SNX24: variants seen among roughly 807,000 people sequenced by gnomAD.
SNX24 encodes sorting nexin 24.
In SNX24, 22 loss-of-function variants were observed where a neutral mutation model predicts 28.7. That is an observed-to-expected ratio of 0.77 (90% CI 0.55 to 1.10). SNX24 has a LOEUF of 1.10. Ranked by LOEUF, SNX24 falls within the 50% of genes least tolerant of loss-of-function variation. The probability of loss-of-function intolerance (pLI) is 0.00; values close to 1 mark genes in which losing one functional copy is unlikely to be tolerated. For missense variants in SNX24, 221 were observed against 201.1 expected (o/e 1.10, Z -0.60); for synonymous variants, 69 against 71.5 (o/e 0.96, Z 0.18).
intron 1 of SNX24, among the ~76,000 whole-genome samples, chr5:122,884,743 G>T (rs184174776): frequency 3.0e-4 from 45 of 152,212 alleles, no homozygotes; most frequent in Middle Eastern, 3.4e-3. Flanking sequence ...TGAAATAATA[G>T]GTGTCGAGGA....
At chr5:122,958,851 C>G (rs1760336132) in intron 3 of SNX24, among the ~76,000 whole-genome samples, 1 of 152,058 alleles carries the variant, frequency 6.6e-6, no homozygotes, top group Non-Finnish European at 1.5e-5. Context: ...TGAGCCACCC[C>G]ACCTGGCCAA....
intron 4 of SNX24, among the ~76,000 whole-genome samples, chr5:123,000,324 T>G (rs760097076): frequency 1.1e-4 from 17 of 152,230 alleles, no homozygotes; most frequent in Non-Finnish European, 2.4e-4. Flanking sequence ...ATGGGCTCAT[T>G]TATTAGTGGA....
chr5:122,868,939 A>C (rs1481665217), intron 1 of SNX24, among the ~76,000 whole-genome samples: 1 of 152,236 alleles, frequency 6.6e-6, no homozygotes, highest in African/African-American at 2.4e-5. Context: ...CTCTTCCTTC[A>C]TAAACATCGT....
At chr5:123,004,459 TC>T (rs532038252) in intron 6 of SNX24, among the ~76,000 whole-genome samples, 422 of 152,308 alleles carry the variant, frequency 2.8e-3, no homozygotes, top group Non-Finnish European at 4.1e-3. Flanking sequence ...CTTTCCCACT[TC>T]CTTCCACTCT....
At chr5:122,894,803 A>G (rs1658969032) in intron 1 of SNX24, among the ~76,000 whole-genome samples, 1 of 152,242 alleles carries the variant, frequency 6.6e-6, no homozygotes, top group Admixed American at 6.5e-5. Flanking sequence ...TGCTCCCAGT[A>G]ATTCTGAGTG....
chr5:122,970,982 A>C (rs1760935393), intron 3 of SNX24, among the ~76,000 whole-genome samples: 1 of 152,206 alleles, frequency 6.6e-6, no homozygotes, highest in South Asian at 2.1e-4. Flanking sequence ...AGAGCAGTTT[A>C]TTAAGATGAA....
rs74817129 is a variant in SNX24 at position 122,928,246 on chromosome 5, A to G, written c.61-8488A>G. 1.4e-3 allele frequency among the ~76,000 whole-genome samples: 218 copies of G among 152,208 alleles called. 5 individuals carry two copies. In the East Asian group the frequency reaches 0.037, roughly 26 times the overall value. ...CATCTGCCTGGACCAACCTCCTCCCATCCCAGGTAGACTCAGGACTCACTC... is the reference window on the plus strand; with the variant it reads ...CATCTGCCTGGACCAACCTCCTCCCGTCCCAGGTAGACTCAGGACTCACTC... On this transcript the variant is annotated intron_variant, in intron 1 of 6. Transcript: ENST00000261369.
At position 122,868,950 on chromosome 5, in the gene SNX24, A is replaced by G. The variant is rs80256537; in HGVS notation, c.60+23257A>G. 8.5e-3 allele frequency among the ~76,000 whole-genome samples: 1,296 copies of G among 152,362 alleles called. 10 individuals are homozygous for G. The highest frequency in any genetic ancestry group is 0.06 in the East Asian group (310 of 5,188). ...CGTACTCTTCCTTCATAAACATCGTAGTGTTTTTCTTCATTTTGTTCAGAT... is the reference window on the plus strand; with the variant it reads ...CGTACTCTTCCTTCATAAACATCGTGGTGTTTTTCTTCATTTTGTTCAGAT... On this transcript the variant is annotated intron_variant, in intron 1 of 6. Transcript: ENST00000261369.
intron 1 of SNX24, among the ~76,000 whole-genome samples, chr5:122,929,401 G>C (rs902121666): frequency 7.9e-5 from 12 of 151,784 alleles, no homozygotes; most frequent in African/African-American, 2.9e-4. Flanking sequence ...CATTTGAGGG[G>C]AAAAAGAAGC....
At chr5:122,923,926 A>C (rs1758559089) in intron 1 of SNX24, among the ~76,000 whole-genome samples, 1 of 152,210 alleles carries the variant, frequency 6.6e-6, no homozygotes, top group South Asian at 2.1e-4. Flanking sequence ...AAGTTTTTTG[A>C]TCTTTTGAAT....
intron 3 of SNX24, 95 bp downstream of exon 3, chr5:122,946,254 T>A: frequency 1.6e-6 from 1 of 609,862 alleles, no homozygotes; most frequent in Non-Finnish European, 2.8e-6. Flanking sequence ...TAAAATATGT[T>A]AAGCAGCCAA....
chr5:122,895,266 G>A (rs1328010537), intron 1 of SNX24, among the ~76,000 whole-genome samples: 1 of 152,050 alleles, frequency 6.6e-6, no homozygotes, highest in Non-Finnish European at 1.5e-5. Flanking sequence ...TAGGGGATAG[G>A]TGTAAGCATT....
intron 3 of SNX24, among the ~76,000 whole-genome samples, chr5:122,950,543 T>A (rs1204195255): frequency 6.6e-6 from 1 of 152,224 alleles, no homozygotes; most frequent in Non-Finnish European, 1.5e-5. Flanking sequence ...TCACCTACTC[T>A]TAGCACATAG....
intron 1 of SNX24, among the ~76,000 whole-genome samples, chr5:122,877,332 A>G (rs149411085): frequency 5.5e-4 from 84 of 152,302 alleles, no homozygotes; most frequent in African/African-American, 1.8e-3. Context: ...TCTGAACAGC[A>G]AAGTGATATG....
chr5:122,941,654 C>A (rs117946997), intron 2 of SNX24, among the ~76,000 whole-genome samples: 1 of 152,086 alleles, frequency 6.6e-6, no homozygotes, highest in Non-Finnish European at 1.5e-5. Context: ...AAGTAGGGAC[C>A]ATGTCCTGTC....
intron 1 of SNX24, among the ~76,000 whole-genome samples, chr5:122,879,583 CTG>C (rs1453662583): frequency 6.6e-6 from 1 of 152,202 alleles, no homozygotes; most frequent in Admixed American, 6.5e-5. Context: ...CACTTACAAG[CTG>C]TGAGACATTG....
chr5:122,900,081 G>A (rs1360453286), intron 1 of SNX24, among the ~76,000 whole-genome samples: 4 of 151,612 alleles, frequency 2.6e-5, no homozygotes, highest in East Asian at 1.9e-4. Flanking sequence ...GTGCAGTGGC[G>A]TGGTCAGGGA....
At chr5:122,990,543 A>G (rs545975780) in intron 3 of SNX24, among the ~76,000 whole-genome samples, 1 of 152,224 alleles carries the variant, frequency 6.6e-6, no homozygotes. Flanking sequence ...GGAATGTTTA[A>G]GGGGCCTGAG....
chr5:122,908,787 T>C (rs1363568225), intron 1 of SNX24, among the ~76,000 whole-genome samples: 2 of 152,192 alleles, frequency 1.3e-5, no homozygotes. Flanking sequence ...TGTTTCTATG[T>C]CCTGATAGGG....
Sources: allele counts gnomAD v4.1 joint callset (sites outside exome capture counted in the v4.1 genomes callset), GRCh38; gene constraint gnomAD v4.1.1; transcripts MANE v1.5; gene names NCBI Gene and HGNC (gene_info 2026-07-23, HGNC 2026-07-21).